PXT1: variants seen among roughly 807,000 people sequenced by gnomAD.
PXT1 encodes peroxisomal testis enriched protein 1.
In PXT1, 11 loss-of-function variants were observed where a neutral mutation model predicts 11.0. That is an observed-to-expected ratio of 1.00 (90% CI 0.63 to 1.66). The LOEUF (loss-of-function observed/expected upper bound fraction) is 1.66, where lower values mean the gene tolerates loss of function less well. PXT1 is among the 40% of genes most tolerant of loss of function. The pLI is 0.00. For missense variants in PXT1, 141 were observed against 155.5 expected (o/e 0.91, Z 0.49); for synonymous variants, 43 against 51.4 (o/e 0.84, Z 0.70).
rs1194473688 is a variant in PXT1 at position 36,426,040 on chromosome 6, C to T, written c.43G>A (p.Val15Ile). 3.9e-6 allele frequency: 6 copies of T among 1,521,266 alleles called. 1 individual carries two copies. The highest frequency in any genetic ancestry group is 3.5e-6 in the Non-Finnish European group (4 of 1,139,950). The allele number at this position is 1,521,266 out of a possible 1,614,324, so 94.2% of individuals were successfully genotyped here. A position where few individuals can be genotyped will look rare whatever the true frequency, so the allele number is the denominator to read the frequency against. ...GTTACTTTGGGAGATGGATTGAGAA[C>T]TTCTTTAGTTTCATAAACAATGCCA... ...HDGIVYETKE[V>I]LNPSPKVTHC... Residue 15 changes from valine to isoleucine, a missense_variant, in exon 3 of 5, where the codon GTT becomes ATT. Transcript: ENST00000454782.
At chr6:36,392,144 C>T (rs530126068) in intron 4 of PXT1, 20 of 376,300 alleles carry the variant, frequency 5.3e-5, no homozygotes, top group Admixed American at 2.6e-4. Context: ...TCTCCCACCT[C>T]GGCCTCCCCA....
chr6:36,439,537 C>G (rs979822381), intron 1 of PXT1, among the ~76,000 whole-genome samples: 27 of 150,728 alleles, frequency 1.8e-4, no homozygotes, highest in African/African-American at 6.3e-4. Flanking sequence ...CGCTTGAATC[C>G]GGGAGGTGGA....
chr6:36,441,843 G>A (rs1008500407), intron 1 of PXT1, among the ~76,000 whole-genome samples: 8 of 150,906 alleles, frequency 5.3e-5, no homozygotes, highest in Non-Finnish European at 8.8e-5. Flanking sequence ...TGCTATACAA[G>A]TATCCGTTAA....
chr6:36,399,484 A>G (rs1774186460), intron 4 of PXT1, among the ~76,000 whole-genome samples: 1 of 152,126 alleles, frequency 6.6e-6, no homozygotes. Flanking sequence ...GGGATCTCCC[A>G]TTCATGTTTT....
At chr6:36,430,607 C>T (rs1774678716) in intron 2 of PXT1, among the ~76,000 whole-genome samples, 1 of 152,108 alleles carries the variant, frequency 6.6e-6, no homozygotes, top group Non-Finnish European at 1.5e-5. Flanking sequence ...TGGATTCTCT[C>T]CTAGAGCCTC....
chr6:36,440,968 T>G (rs942568897), intron 1 of PXT1, among the ~76,000 whole-genome samples: 1 of 152,164 alleles, frequency 6.6e-6, no homozygotes, highest in African/African-American at 2.4e-5. Flanking sequence ...GCCAGATTTT[T>G]GTATACCACA....
rs1191055154 is a variant in PXT1, at chr6:36,390,845, T to C, written c.*925A>G. 6 of 152,186 alleles carry C rather than the reference T, an allele frequency of 3.9e-5. No individual in the cohort carries two copies. The highest frequency in any genetic ancestry group is 7.3e-5 in the Non-Finnish European group (5 of 68,062). The allele number at this position is 152,186 out of a possible 1,614,324, so 9.4% of individuals were successfully genotyped here. On this transcript the variant is annotated 3_prime_UTR_variant, in exon 5 of 5. Coordinates refer to ENST00000454782, the MANE Select transcript of PXT1 (RefSeq NM_152990.4). ...CAATAATAGCAAAACCATCCAGCAA[T>C]AGGAAAAGAGAAGTTTTTGCCTAGT... is the stretch of plus-strand genomic sequence containing the variant.
chr6:36,391,807 A>T lies in PXT1; in HGVS notation c.368T>A (p.Val123Glu). Residue 123 changes from valine (V) to glutamate (E), a missense_variant, in exon 5 of 5, where the codon GTG becomes GAG. Physicochemically the swap from Val to Glu is moderately radical, Grantham distance 121 (BLOSUM62 -2). Coordinates refer to ENST00000454782, the MANE Select transcript of PXT1 (RefSeq NM_152990.4). ...GTTGTTCCAGAAAAAATGCAGCAAC[A>T]CCTGAACTCTTCTAAAGAAAAAGAA... The part of the protein sequence containing the change: ...FVFFFFRRVQ[V>E]LLHFFWNNHL... 6.2e-7 allele frequency: 1 copy of T among 1,613,808 alleles called. No homozygotes were observed. The highest frequency in any genetic ancestry group is 1.1e-5 in the South Asian group (1 of 91,066).
At chr6:36,401,406 G>A (rs772288440) in intron 3 of PXT1, among the ~76,000 whole-genome samples, 15 of 152,026 alleles carry the variant, frequency 9.9e-5, no homozygotes, top group Non-Finnish European at 2.1e-4. Flanking sequence ...GGCCAAACTG[G>A]GAGGATCACT....
chr6:36,391,042 A>C lies in PXT1; in HGVS notation c.*728T>G, dbSNP rs983945949. ...TGGGAAAACACTGGAGTGGTGAAGGAAGACTTGAAGGGGGTCACAGAGGAG... is the reference window on the plus strand; with the variant it reads ...TGGGAAAACACTGGAGTGGTGAAGGCAGACTTGAAGGGGGTCACAGAGGAG... On this transcript the variant is annotated 3_prime_UTR_variant, in exon 5 of 5. Transcript: ENST00000454782. 2 of 152,346 alleles carry C rather than the reference A, an allele frequency of 1.3e-5. No homozygotes were observed. Among genetic ancestry groups the C allele is most frequent in the African/African-American group, 4.8e-5 (2 of 41,424 alleles). 9.4% of individuals were successfully genotyped at this position (152,346 alleles called of 1,614,324 possible).
chr6:36,420,295 C>T (rs1042212168), intron 3 of PXT1, among the ~76,000 whole-genome samples: 1 of 152,170 alleles, frequency 6.6e-6, no homozygotes, highest in Non-Finnish European at 1.5e-5. Context: ...CAGTAGGGAA[C>T]AGTTTAAATA....
At chr6:36,418,813 C>T (rs1774486605) in intron 3 of PXT1, among the ~76,000 whole-genome samples, 1 of 152,234 alleles carries the variant, frequency 6.6e-6, no homozygotes, top group Non-Finnish European at 1.5e-5. Flanking sequence ...CCTCCAGAGG[C>T]CACTGAGCCA....
At chr6:36,437,703 A>T (rs1774786823) in intron 2 of PXT1, among the ~76,000 whole-genome samples, 2 of 151,100 alleles carry the variant, frequency 1.3e-5, no homozygotes, top group Admixed American at 6.6e-5. Context: ...TTTTTAGTAG[A>T]GACGGGGTTT....
chr6:36,438,189 C>T (rs1270859712), intron 2 of PXT1, among the ~76,000 whole-genome samples: 1 of 151,978 alleles, frequency 6.6e-6, no homozygotes, highest in Non-Finnish European at 1.5e-5. Context: ...TTTGACCTGC[C>T]ACTATTAACA....
At chr6:36,419,226 T>C (rs1363657743) in intron 3 of PXT1, among the ~76,000 whole-genome samples, 1 of 152,190 alleles carries the variant, frequency 6.6e-6, no homozygotes, top group Non-Finnish European at 1.5e-5. Flanking sequence ...TTTCACCTAC[T>C]TCCAAATGGG....
intron 2 of PXT1, among the ~76,000 whole-genome samples, chr6:36,428,738 A>C (rs999649806): frequency 7.0e-6 from 1 of 142,780 alleles, no homozygotes; most frequent in Non-Finnish European, 1.5e-5. Context: ...TATATTTTTC[A>C]TCTAAAACTT....
At position 36,391,919 on chromosome 6, in the gene PXT1, TTAA is replaced by T. The variant is rs772096007; in HGVS notation, c.301-48_301-46del. On this transcript the variant is annotated intron_variant, in intron 4 of 4. Coordinates refer to ENST00000454782, the MANE Select transcript of PXT1 (RefSeq NM_152990.4). ...CACAGAGAAAGGTTTTTTTTTTTTT[TTAA>T]AAGTGATAGAATAATCCAAAGTTAA... 8.0e-5 allele frequency: 75 copies of T among 943,332 alleles called. 1 individual carries two copies. Among genetic ancestry groups the T allele is most frequent in the East Asian group, 1.7e-4 (5 of 29,182 alleles). 58.4% of individuals were successfully genotyped at this position (943,332 alleles called of 1,614,324 possible). A position where few individuals can be genotyped will look rare whatever the true frequency, so the allele number is the denominator to read the frequency against.
At chr6:36,399,524 G>A (rs1006214731) in intron 4 of PXT1, among the ~76,000 whole-genome samples, 8 of 152,154 alleles carry the variant, frequency 5.3e-5, no homozygotes, top group South Asian at 2.1e-4. Flanking sequence ...TGAGGGAAAG[G>A]CTGTGTGTTG....
At position 36,401,292 on chromosome 6, in the gene PXT1, C is replaced by T. The variant is rs143026213; in HGVS notation, c.170-708G>A. Reference sequence around the variant, plus strand: ...CCTCAATTTAGATGCTAACTTTTCACTGGAAAACCTTGATCTATACTTAGA... The same window carrying T: ...CCTCAATTTAGATGCTAACTTTTCATTGGAAAACCTTGATCTATACTTAGA... On this transcript the variant is annotated intron_variant, in intron 3 of 4. Coordinates refer to ENST00000454782, the MANE Select transcript of PXT1 (RefSeq NM_152990.4). Among the ~76,000 whole-genome samples the T allele has an allele frequency of 3.2e-4, 48 of 152,134 alleles. No homozygotes were observed. In the East Asian group the frequency reaches 9.1e-3, roughly 29 times the overall value.
Sources: gnomAD v4.1 joint callset for allele counts (sites outside exome capture counted in the v4.1 genomes callset) on GRCh38, gnomAD v4.1.1 for gene constraint, MANE v1.5 for transcripts, NCBI Gene and HGNC (gene_info 2026-07-23, HGNC 2026-07-21) for gene names.